Variants in POGZ observed in about 807,000 individuals in gnomAD.
POGZ encodes pogo transposable element derived with ZNF domain, also known as pogo transposable element with ZNF domain.
In POGZ, 17 loss-of-function variants were observed where a neutral mutation model predicts 134.6. The ratio of observed to expected loss-of-function variants is 0.13; its 90% CI spans 0.09 to 0.19. The LOEUF (loss-of-function observed/expected upper bound fraction) is 0.19, where lower values mean the gene tolerates loss of function less well. Among genes scored for constraint, POGZ ranks in the 10% least tolerant of loss-of-function variants. The pLI is 1.00. For missense variants in POGZ, 1,306 were observed against 1,769.7 expected, an observed-to-expected ratio of 0.74 and a Z score of 4.70; for synonymous variants, 693 against 657.1, an observed-to-expected ratio of 1.05 and a Z score of -0.84.
At chr1:151,457,172 CTA>C (rs1662874484) in intron 1 of POGZ, among the ~76,000 whole-genome samples, 1 of 152,192 alleles carries the variant, frequency 6.6e-6, no homozygotes, top group East Asian at 1.9e-4. Flanking sequence ...AGTGGAAACT[CTA>C]ACTAAATCAG....
intron 1 of POGZ, among the ~76,000 whole-genome samples, chr1:151,454,803 G>T (rs556119579): frequency 2.1e-4 from 32 of 152,236 alleles, no homozygotes; most frequent in African/African-American, 7.7e-4. Context: ...TCCTCCCCTT[G>T]GTTACATATA....
intron 1 of POGZ, among the ~76,000 whole-genome samples, chr1:151,456,433 G>A (rs182893001): frequency 2.6e-5 from 4 of 152,188 alleles, no homozygotes; most frequent in Admixed American, 2.0e-4. Flanking sequence ...TCATTTTCAA[G>A]AAATATCTGC....
chr1:151,434,561 T>G (rs746747172), intron 3 of POGZ, among the ~76,000 whole-genome samples: 4 of 152,236 alleles, frequency 2.6e-5, no homozygotes, highest in Admixed American at 6.5e-5. Context: ...AGTTTTCTTC[T>G]ATACTTCAGA....
rs115622324 is a variant in POGZ at position 151,435,137 on chromosome 1, C to A, written c.284-4296G>T. ...CTAGTCTCAAACTTCTGACCTCAGG[C>A]GATCTGCCCGCCTCAAGCCTCCCAA... On this transcript the variant is annotated intron_variant, in intron 3 of 18. Coordinates refer to ENST00000271715, the MANE Select transcript of POGZ (RefSeq NM_015100.4). Among the ~76,000 whole-genome samples the A allele has an allele frequency of 2.3e-3, 346 of 152,196 alleles. 6 individuals carry two copies. The highest frequency in any genetic ancestry group is 0.01 in the Middle Eastern group (3 of 294).
rs1434217972 is a variant in POGZ at position 151,428,016 on chromosome 1, T to A, written c.885A>T (p.Ala295=). 3 of 1,614,112 alleles carry A rather than the reference T, an allele frequency of 1.9e-6. No homozygotes were observed. Among genetic ancestry groups the A allele is most frequent in the Non-Finnish European group, 2.5e-6 (3 of 1,180,044 alleles). ...KLAPSFPSPP[A]VSIASFVTVK... The stretch of plus-strand genomic sequence containing the variant: ...CAGTGACAAAGCTGGCAATGCTCAC[T>A]GCAGGTGGAGAGGGGAAGGAGGGAG... The change falls in exon 7 of 19, where the codon GCA becomes GCT. Residue 295 remains alanine, a synonymous_variant. Transcript: ENST00000271715.
chr1:151,408,878 A>C lies in POGZ; in HGVS notation c.1927-50T>G, dbSNP rs191307553. ...AGACAAAATCCCTTAAAGGTTCCTA[A>C]TAAATTTTCTTTTTTGAGGAGAAAG... On this transcript the variant is annotated intron_variant, in intron 12 of 18. Transcript: ENST00000271715. The C allele has an allele frequency of 3.3e-4, 513 of 1,563,758 alleles. 1 individual carries two copies. In the African/African-American group the frequency reaches 6.1e-3, roughly 19 times the overall value.
chr1:151,403,662 C>G lies in POGZ; in HGVS notation c.*1140G>C. 1 of 985,798 alleles carries G rather than the reference C, an allele frequency of 1.0e-6. No individual in the cohort carries two copies. The highest frequency in any genetic ancestry group is 1.2e-6 in the Non-Finnish European group (1 of 829,868). The allele number at this position is 985,798 out of a possible 1,614,324, so 61.1% of individuals were successfully genotyped here. ...TTTTCTTTGTGCACACCCCTGTGCG[C>G]TTCTTCCTGTCAGATTCTTCCCTAA... On this transcript the variant is annotated 3_prime_UTR_variant, in exon 19 of 19. Coordinates refer to ENST00000271715, the MANE Select transcript of POGZ (RefSeq NM_015100.4).
At chr1:151,455,162 T>C (rs1256423782) in intron 1 of POGZ, 4 of 151,562 alleles carry the variant, frequency 2.6e-5, no homozygotes. Flanking sequence ...CAAACAAGAA[T>C]ACCAAAGAAT....
chr1:151,449,008 G>A (rs1409727182), intron 1 of POGZ, among the ~76,000 whole-genome samples: 1 of 152,220 alleles, frequency 6.6e-6, no homozygotes, highest in African/African-American at 2.4e-5. Context: ...GCAAATGCAT[G>A]AGGGGGTGGT....
chr1:151,427,073 C>CT (rs1023703079), intron 7 of POGZ: 1,596 of 133,340 alleles, frequency 0.012, 16 homozygotes, highest in African/African-American at 0.021. Flanking sequence ...CCTGGCTAAT[C>CT]TTTTTTTTTT....
intron 3 of POGZ, among the ~76,000 whole-genome samples, chr1:151,433,222 G>A (rs963900696): frequency 1.4e-4 from 21 of 152,238 alleles, no homozygotes; most frequent in African/African-American, 4.3e-4. Context: ...CATGAAACCC[G>A]TAAATACCAT....
intron 11 of POGZ, 128 bp from the exon 12 acceptor site, chr1:151,411,899 A>G (rs1156483543): frequency 4.2e-6 from 3 of 715,010 alleles, no homozygotes; most frequent in Non-Finnish European, 6.6e-6. Context: ...TAGAAATCAA[A>G]TTATTTTCCT....
chr1:151,427,363 GCA>G (rs1263427380), intron 7 of POGZ: 2 of 163,780 alleles, frequency 1.2e-5, no homozygotes, highest in African/African-American at 4.8e-5. Context: ...CACCACAACA[GCA>G]CAGTTAATAG....
At chr1:151,411,807 G>T in intron 11 of POGZ, 36 bp from the exon 12 acceptor site, 1 of 1,573,746 alleles carries the variant, frequency 6.4e-7, no homozygotes, top group South Asian at 1.2e-5. Flanking sequence ...GGCTAAGAAT[G>T]AAGTGAACAA....
intron 16 of POGZ, 22 bp downstream of exon 16, chr1:151,407,213 C>T: frequency 6.5e-7 from 1 of 1,539,908 alleles, no homozygotes; most frequent in Non-Finnish European, 8.9e-7. Flanking sequence ...AATTAAGATG[C>T]TGCCAATAAG....
At chr1:151,431,013 G>A (rs1295387069) in intron 3 of POGZ, among the ~76,000 whole-genome samples, 172 bp from the exon 4 acceptor site, 1 of 151,800 alleles carries the variant, frequency 6.6e-6, no homozygotes, top group Non-Finnish European at 1.5e-5. Context: ...ACGGCTCACT[G>A]CAGCCTCAAG....
Position 151,424,173 on chromosome 1 carries a change from A to G in POGZ, c.1299T>C (p.Ala433=), listed in dbSNP as rs533552399. ...GAATAGGTGTAGAAGAGGGTGTGGA[A>G]GCAACAGGAGCTGTTTTCTCAGGGG... is the stretch of plus-strand genomic sequence containing the variant. The part of the protein sequence containing the change: ...PPSPEKTAPV[A]STPSSTPIPA... Residue 433 remains alanine (A), a synonymous_variant, in exon 9 of 19, where the codon GCT becomes GCC. Transcript: ENST00000271715. 8.1e-6 allele frequency: 13 copies of G among 1,614,060 alleles called. No individual in the cohort carries two copies. The South Asian group carries it at 1.2e-4, about 15-fold the overall frequency.
intron 10 of POGZ, among the ~76,000 whole-genome samples, chr1:151,415,708 T>C (rs1264129065): frequency 1.3e-5 from 2 of 150,138 alleles, no homozygotes; most frequent in Non-Finnish European, 3.0e-5. Flanking sequence ...TGAAGAAATG[T>C]ACCTTAAGAT....
chr1:151,409,133 T>C (rs2102171559), intron 12 of POGZ, among the ~76,000 whole-genome samples: 1 of 152,354 alleles, frequency 6.6e-6, no homozygotes, highest in Middle Eastern at 3.4e-3. Context: ...ATTATATCTT[T>C]ACACTGCTGA....
Sources: gnomAD v4.1 joint callset for allele counts (sites outside exome capture counted in the v4.1 genomes callset) on GRCh38, gnomAD v4.1.1 for gene constraint, MANE v1.5 for transcripts, NCBI Gene and HGNC (gene_info 2026-07-23, HGNC 2026-07-21) for gene names.